Variants in PMS1 observed in about 807,000 individuals in gnomAD.
PMS1 encodes PMS1 protein homolog 1.
In PMS1, 79 loss-of-function variants were observed where a neutral mutation model predicts 93.1. The ratio of observed to expected loss-of-function variants is 0.85; its 90% CI spans 0.71 to 1.02. The LOEUF (loss-of-function observed/expected upper bound fraction) is 1.02, where lower values mean the gene tolerates loss of function less well. PMS1 is among the 50% of genes least tolerant of loss of function. PMS1 has a pLI of 0.00. For missense variants in PMS1, 1,064 were observed against 1,085.3 expected (o/e 0.98, Z 0.28); for synonymous variants, 335 against 363.4 (o/e 0.92, Z 0.89).
intron 5 of PMS1, among the ~76,000 whole-genome samples, chr2:189,838,813 C>T (rs2106396958): frequency 6.6e-6 from 1 of 152,342 alleles, no homozygotes; most frequent in South Asian, 2.1e-4. Context: ...CACTGACTTG[C>T]ATTCCACCGA....
chr2:189,867,195 C>T (rs1227412649), intron 10 of PMS1, among the ~76,000 whole-genome samples: 3 of 152,146 alleles, frequency 2.0e-5, no homozygotes, highest in Non-Finnish European at 2.9e-5. Flanking sequence ...ATGACTATAA[C>T]GCGTCCTGAC....
intron 4 of PMS1, among the ~76,000 whole-genome samples, chr2:189,810,929 A>G (rs2050784710): frequency 6.6e-6 from 1 of 151,968 alleles, no homozygotes; most frequent in African/African-American, 2.4e-5. Context: ...AATCAAGAGA[A>G]ACAATAGTGT....
intron 5 of PMS1, among the ~76,000 whole-genome samples, chr2:189,826,813 AG>A (rs1376868414): frequency 2.0e-5 from 3 of 152,134 alleles, no homozygotes; most frequent in African/African-American, 7.2e-5. Flanking sequence ...CTTAATAGTG[AG>A]TGCATAGTAC....
chr2:189,863,407 A>G (rs55795880), intron 9 of PMS1, among the ~76,000 whole-genome samples: 7,565 of 151,640 alleles, frequency 0.05, 305 homozygotes, highest in African/African-American at 0.1. Flanking sequence ...GTGCACACCA[A>G]CATGCCTGGC....
chr2:189,869,723 A>G (rs1417150156), intron 11 of PMS1, among the ~76,000 whole-genome samples: 1 of 151,962 alleles, frequency 6.6e-6, no homozygotes, highest in Non-Finnish European at 1.5e-5. Flanking sequence ...AGGCTGAGGC[A>G]GGAGAATCGC....
At chr2:189,865,662 TA>T (rs1257499136) in intron 10 of PMS1, among the ~76,000 whole-genome samples, 1 of 152,136 alleles carries the variant, frequency 6.6e-6, no homozygotes, top group African/African-American at 2.4e-5. Flanking sequence ...TAAAAATAAA[TA>T]ACCTTGGATG....
chr2:189,829,360 G>A (rs116152638), intron 5 of PMS1, among the ~76,000 whole-genome samples: 250 of 152,204 alleles, frequency 1.6e-3, no homozygotes, highest in African/African-American at 5.8e-3. Flanking sequence ...ATCACTACCT[G>A]ATGCCTCTCT....
intron 12 of PMS1, among the ~76,000 whole-genome samples, chr2:189,875,057 C>T (rs5743195): frequency 0.032 from 4,878 of 150,864 alleles, 263 homozygotes; most frequent in African/African-American, 0.11. Context: ...ACTTAAACCA[C>T]GGGGATGCTT....
chr2:189,874,472 A>G lies in PMS1; in HGVS notation c.2634+816A>G, dbSNP rs1052070349. Reference sequence around the variant, plus strand: ...GAAATGTAAGAGTGGGTTAAAAGAAAAGGATTAAGGAAGGTTATAAACTTT... The same window carrying G: ...GAAATGTAAGAGTGGGTTAAAAGAAGAGGATTAAGGAAGGTTATAAACTTT... On this transcript the variant is annotated intron_variant, in intron 12 of 12. Transcript: ENST00000441310. Among the ~76,000 whole-genome samples the G allele has an allele frequency of 2.0e-5, 3 of 152,222 alleles. No homozygotes were observed. In the South Asian group the frequency reaches 6.2e-4, roughly 32 times the overall value.
At chr2:189,866,066 C>G (rs1392587730) in intron 10 of PMS1, among the ~76,000 whole-genome samples, 1 of 152,128 alleles carries the variant, frequency 6.6e-6, no homozygotes, top group African/African-American at 2.4e-5. Flanking sequence ...TTGAGATTGG[C>G]TTAGGAAACT....
At chr2:189,835,187 A>G (rs1163914375) in intron 5 of PMS1, among the ~76,000 whole-genome samples, 1 of 152,236 alleles carries the variant, frequency 6.6e-6, no homozygotes, top group African/African-American at 2.4e-5. Context: ...AGGAAAAATA[A>G]TTATGCATGT....
At chr2:189,814,000 G>A (rs796096480) in intron 4 of PMS1, among the ~76,000 whole-genome samples, 7 of 152,282 alleles carry the variant, frequency 4.6e-5, no homozygotes, top group African/African-American at 1.4e-4. Flanking sequence ...AATAGGATCT[G>A]GTATAGATTC....
At chr2:189,850,588 G>A (rs563360229) in intron 6 of PMS1, among the ~76,000 whole-genome samples, 2 of 152,250 alleles carry the variant, frequency 1.3e-5, no homozygotes, top group Admixed American at 1.3e-4. Flanking sequence ...AATGAAATTA[G>A]GAAGAGTAAC....
chr2:189,845,044 G>A (rs1575234224), intron 6 of PMS1, among the ~76,000 whole-genome samples: 1 of 152,122 alleles, frequency 6.6e-6, no homozygotes, highest in South Asian at 2.1e-4. Flanking sequence ...TTTTAGTGGA[G>A]ACATCATTTC....
intron 1 of PMS1, chr2:189,785,424 T>C (rs918621124): frequency 6.6e-6 from 1 of 152,234 alleles, no homozygotes; most frequent in Admixed American, 6.5e-5. Flanking sequence ...CCAGCAAATA[T>C]GGAAGACTGA....
At chr2:189,792,874 C>T (rs1609883) in intron 2 of PMS1, among the ~76,000 whole-genome samples, 35,637 of 151,310 alleles carry the variant, frequency 0.24, 4,519 homozygotes, top group African/African-American at 0.32. Context: ...TGCAATGGCG[C>T]GATCTCAGCT....
At chr2:189,811,422 T>C (rs1017889045) in intron 4 of PMS1, among the ~76,000 whole-genome samples, 4 of 152,040 alleles carry the variant, frequency 2.6e-5, no homozygotes, top group Non-Finnish European at 4.4e-5. Flanking sequence ...ACCCCATCTC[T>C]ACCAAAAATA....
intron 1 of PMS1, among the ~76,000 whole-genome samples, chr2:189,787,463 G>T (rs558380610): frequency 6.6e-6 from 1 of 152,280 alleles, no homozygotes; most frequent in East Asian, 1.9e-4. Flanking sequence ...TCAGGACAAA[G>T]ATGTAGTAGG....
chr2:189,827,285 T>A (rs1301016407), intron 5 of PMS1, among the ~76,000 whole-genome samples: 1 of 152,216 alleles, frequency 6.6e-6, no homozygotes, highest in East Asian at 1.9e-4. Flanking sequence ...ACTGTAGATT[T>A]CTCTTCCAAA....
Sources: allele counts gnomAD v4.1 joint callset (sites outside exome capture counted in the v4.1 genomes callset), GRCh38; gene constraint gnomAD v4.1.1; transcripts MANE v1.5; gene names NCBI Gene and HGNC (gene_info 2026-07-23, HGNC 2026-07-21).